The following CD99 variants were observed in gnomAD, a reference collection of about 807,000 sequenced individuals.
CD99 encodes the protein CD99 antigen.
Under a neutral mutation model 28.4 loss-of-function variants are expected in CD99, and 19 were observed. The ratio of observed to expected loss-of-function variants is 0.67; its 90% CI spans 0.47 to 0.98. CD99 has a LOEUF of 0.98. CD99 is among the 50% of genes least tolerant of loss of function. The probability of loss-of-function intolerance (pLI) is 0.00; values close to 1 mark genes in which losing one functional copy is unlikely to be tolerated. For missense variants in CD99, 283 were observed against 248.8 expected (o/e 1.14, Z -0.92); for synonymous variants, 103 against 92.1 (o/e 1.12, Z -0.67).
chrX:2,709,799 T>C (rs751093744), intron 1 of CD99, among the ~76,000 whole-genome samples: 48 of 152,066 alleles, frequency 3.2e-4, no homozygotes, highest in African/African-American at 1.1e-3. Context: ...AAAATGTGGC[T>C]TGGTTGCAAA....
chrX:2,715,368 C>G (rs779579782), intron 2 of CD99: 1 of 152,420 alleles, frequency 6.6e-6, no homozygotes, highest in Non-Finnish European at 1.5e-5. Flanking sequence ...CATGCTCCCT[C>G]TAGGGGCTCT....
intron 2 of CD99, among the ~76,000 whole-genome samples, chrX:2,715,988 T>C (rs2048689322): frequency 6.6e-6 from 1 of 150,788 alleles, no homozygotes; most frequent in African/African-American, 2.4e-5. Flanking sequence ...CTTGGAGGAA[T>C]GCTTTTCAAC....
At chrX:2,696,768 C>T (rs955990495) in intron 1 of CD99, among the ~76,000 whole-genome samples, 3 of 152,162 alleles carry the variant, frequency 2.0e-5, no homozygotes, top group Non-Finnish European at 4.4e-5. Flanking sequence ...TTTCACATCT[C>T]TAGAGACCAG....
intron 2 of CD99, among the ~76,000 whole-genome samples, chrX:2,717,084 A>T (rs311076): frequency 6.6e-6 from 1 of 151,866 alleles, no homozygotes; most frequent in Admixed American, 6.6e-5. Context: ...CGGTGGCTCA[A>T]GCCTGTCATC....
intron 3 of CD99, chrX:2,719,376 T>C: frequency 2.4e-6 from 1 of 415,272 alleles, no homozygotes; most frequent in Non-Finnish European, 4.3e-6. Context: ...CATTTATAAA[T>C]TACTTTATTT....
chrX:2,740,726 C>T (rs182898494), intron 9 of CD99, 53 bp from the exon 10 acceptor site: 31 of 1,594,556 alleles, frequency 1.9e-5, no homozygotes, highest in African/African-American at 2.7e-5. Flanking sequence ...ACTGTGTCCA[C>T]GTGAGTGCTC....
At position 2,741,068 on chromosome X, in the gene CD99, G is replaced by A; in HGVS notation, c.*264G>A. The A allele has an allele frequency of 1.9e-6, 1 of 535,676 alleles. No individual in the cohort carries two copies. The highest frequency in any genetic ancestry group is 3.3e-6 in the Non-Finnish European group (1 of 299,740). 33.2% of individuals were successfully genotyped at this position (535,676 alleles called of 1,614,324 possible). A position where few individuals can be genotyped will look rare whatever the true frequency, so the allele number is the denominator to read the frequency against. On this transcript the variant is annotated 3_prime_UTR_variant, in exon 10 of 10. Coordinates refer to ENST00000381192, the MANE Select transcript of CD99 (RefSeq NM_002414.5). Reference sequence around the variant, plus strand: ...GGGCGGTTTCCCATGGGATGTGAAAGGCTGGCCATTATTAAGTCCCTGTAA... The same window carrying A: ...GGGCGGTTTCCCATGGGATGTGAAAAGCTGGCCATTATTAAGTCCCTGTAA...
intron 3 of CD99, 167 bp from the exon 4 acceptor site, chrX:2,719,493 TA>T: frequency 1.5e-6 from 1 of 685,016 alleles, no homozygotes; most frequent in Non-Finnish European, 2.7e-6. Context: ...AATAGTGATG[TA>T]AAAATGGTCA....
At chrX:2,694,896 C>T (rs2047500705) in intron 1 of CD99, among the ~76,000 whole-genome samples, 1 of 152,042 alleles carries the variant, frequency 6.6e-6, no homozygotes, top group African/African-American at 2.4e-5. Context: ...ATTTTTCTTC[C>T]TGAAGGTCCT....
intron 8 of CD99, chrX:2,727,384 G>A: frequency 1.3e-6 from 1 of 772,058 alleles, no homozygotes; most frequent in Non-Finnish European, 2.4e-6. Context: ...TAACGTGCAT[G>A]CATCACTGGG....
At position 2,693,125 on chromosome X, in the gene CD99, T is replaced by A. The variant is rs781593706; in HGVS notation, c.67+1698T>A. On this transcript the variant is annotated intron_variant, in intron 1 of 9. Coordinates refer to ENST00000381192, the MANE Select transcript of CD99 (RefSeq NM_002414.5). ...AGCCCCAAACAAGTCGTTGCACAGT[T>A]TTTTTGTTTTTGTTGGTGGTGGTGG... 9.9e-4 allele frequency among the ~76,000 whole-genome samples: 148 copies of A among 150,194 alleles called. 1 individual carries two copies. Among genetic ancestry groups the A allele is most frequent in the African/African-American group, 3.5e-3 (142 of 40,316 alleles).
chrX:2,712,360 T>C (rs1221696264), intron 1 of CD99, among the ~76,000 whole-genome samples: 1 of 152,100 alleles, frequency 6.6e-6, no homozygotes, highest in Non-Finnish European at 1.5e-5. Flanking sequence ...TGAAAATGCC[T>C]AAGACAGTAG....
intron 1 of CD99, among the ~76,000 whole-genome samples, chrX:2,701,975 C>T (rs1299300775): frequency 3.3e-5 from 5 of 152,168 alleles, no homozygotes; most frequent in Non-Finnish European, 7.3e-5. Context: ...AATATAGATG[C>T]CTGCATCTCA....
intron 8 of CD99, among the ~76,000 whole-genome samples, chrX:2,736,789 G>A (rs770249560): frequency 4.9e-4 from 74 of 152,022 alleles, no homozygotes; most frequent in African/African-American, 1.7e-3. Context: ...CCCGGGAGGC[G>A]GAGGTTGCAG....
chrX:2,692,226 G>T, intron 1 of CD99: 2 of 401,974 alleles, frequency 5.0e-6, no homozygotes, highest in East Asian at 5.1e-5. Context: ...GATGTGGTAT[G>T]TTATAAATTC....
At chrX:2,707,099 G>A (rs926318273) in intron 1 of CD99, among the ~76,000 whole-genome samples, 4 of 152,186 alleles carry the variant, frequency 2.6e-5, no homozygotes, top group African/African-American at 9.6e-5. Context: ...GGAGGCCAAG[G>A]CAGGCAGATC....
At chrX:2,722,597 T>G in intron 5 of CD99, 30 bp from the exon 6 acceptor site, 1 of 1,611,926 alleles carries the variant, frequency 6.2e-7, no homozygotes, top group Non-Finnish European at 8.5e-7. Flanking sequence ...AGTTCCAGGT[T>G]GACAGGTGAT....
At chrX:2,737,979 C>G in intron 8 of CD99, 1 of 711,300 alleles carries the variant, frequency 1.4e-6, no homozygotes. Context: ...TGTTGAAGTT[C>G]ATCTCTGCCT....
In CD99 at chrX:2,741,035, G is replaced by A; in HGVS notation, c.*231G>A. 1 of 583,860 alleles carries A rather than the reference G, an allele frequency of 1.7e-6. No homozygotes were observed. Among genetic ancestry groups the A allele is most frequent in the Non-Finnish European group, 3.1e-6 (1 of 325,646 alleles). The allele number at this position is 583,860 out of a possible 1,614,324, so 36.2% of individuals were successfully genotyped here. ...GGCACTTGGACCCCCATTCTCCAAG[G>A]CCCGGGGGGGCGGTTTCCCATGGGA... On this transcript the variant is annotated 3_prime_UTR_variant, in exon 10 of 10. Coordinates refer to ENST00000381192, the MANE Select transcript of CD99 (RefSeq NM_002414.5).
Sources: gnomAD v4.1 joint callset for allele counts (sites outside exome capture counted in the v4.1 genomes callset) on GRCh38, gnomAD v4.1.1 for gene constraint, MANE v1.5 for transcripts, NCBI Gene and HGNC (gene_info 2026-07-23, HGNC 2026-07-21) for gene names.